Variants in IPMK observed in about 807,000 individuals in gnomAD.
IPMK encodes the protein inositol polyphosphate multikinase.
IPMK carries 17 observed loss-of-function variants against 45.8 expected under a neutral mutation model. The observed-to-expected ratio is 0.37, with a 90% confidence interval of 0.25 to 0.56. The LOEUF is 0.56. Ranked by LOEUF, IPMK falls within the 20% of genes least tolerant of loss-of-function variation. The pLI, the probability that IPMK is intolerant of heterozygous loss-of-function variation, is 0.79. For synonymous variants in IPMK, 180 were observed against 184.3 expected (o/e 0.98, Z 0.19); for missense variants, 399 against 498.0 (o/e 0.80, Z 1.89).
intron 2 of IPMK, among the ~76,000 whole-genome samples, chr10:58,231,121 T>A (rs975333383): frequency 5.3e-5 from 8 of 151,706 alleles, no homozygotes; most frequent in African/African-American, 1.9e-4. Flanking sequence ...GACGACAAGG[T>A]TAGAGAAAAA....
At chr10:58,203,188 A>T (rs1838021625) in intron 4 of IPMK, among the ~76,000 whole-genome samples, 1 of 152,184 alleles carries the variant, frequency 6.6e-6, no homozygotes, top group African/African-American at 2.4e-5. Flanking sequence ...ACTTCAGTGG[A>T]GGAGGTAACT....
chr10:58,240,852 G>A (rs966524960), intron 1 of IPMK, among the ~76,000 whole-genome samples: 2 of 152,090 alleles, frequency 1.3e-5, no homozygotes, highest in African/African-American at 2.4e-5. Context: ...CTTCCAGGCC[G>A]TCAAGAAAAA....
intron 2 of IPMK, among the ~76,000 whole-genome samples, chr10:58,234,242 A>G (rs1329732608): frequency 6.6e-6 from 1 of 152,230 alleles, no homozygotes; most frequent in Non-Finnish European, 1.5e-5. Context: ...ATACTGCCCA[A>G]AGTAATTTAC....
chr10:58,236,951 T>C lies in IPMK; in HGVS notation c.276+778A>G, dbSNP rs193285206. On this transcript the variant is annotated intron_variant, in intron 2 of 5. Transcript: ENST00000373935. ...CGGGCTGCGTGGCACACGCCTGTAGTTTCAGCCACTTAGGAGGCACAGGCT... is the reference window on the plus strand; with the variant it reads ...CGGGCTGCGTGGCACACGCCTGTAGCTTCAGCCACTTAGGAGGCACAGGCT... Among the ~76,000 whole-genome samples, 46 of 152,224 alleles carry C rather than the reference T, an allele frequency of 3.0e-4. No individual in the cohort carries two copies. In the East Asian group the frequency reaches 8.7e-3, roughly 29 times the overall value.
At position 58,224,555 on chromosome 10, in the gene IPMK, T is replaced by C. The variant is rs569659082; in HGVS notation, c.373+2488A>G. ...CTTTAAATGGATCAGTTTTATGGTA[T>C]GTAAATTATATCTCAATAAAACTAT... On this transcript the variant is annotated intron_variant, in intron 3 of 5. Coordinates refer to ENST00000373935, the MANE Select transcript of IPMK (RefSeq NM_152230.5). Among the ~76,000 whole-genome samples the C allele has an allele frequency of 8.5e-5, 13 of 152,330 alleles. No homozygotes were observed. The South Asian group carries it at 1.0e-3, about 12-fold the overall frequency.
chr10:58,199,344 T>C, intron 4 of IPMK, 23 bp from the exon 5 acceptor site: 2 of 1,543,886 alleles, frequency 1.3e-6, no homozygotes, highest in South Asian at 2.3e-5. Flanking sequence ...GCAGTGAATA[T>C]TAAAAAGCTA....
intron 5 of IPMK, among the ~76,000 whole-genome samples, chr10:58,198,542 C>T (rs1442832078): frequency 1.3e-5 from 2 of 152,176 alleles, no homozygotes; most frequent in East Asian, 3.8e-4. Flanking sequence ...AATTGTTAAG[C>T]TCATGCTATG....
At chr10:58,250,938 G>GTC (rs776904780) in intron 1 of IPMK, among the ~76,000 whole-genome samples, 7 of 152,140 alleles carry the variant, frequency 4.6e-5, no homozygotes, top group Non-Finnish European at 8.8e-5. Context: ...TAATTATACA[G>GTC]TCTCTGTTCT....
chr10:58,197,022 T>C lies in IPMK; in HGVS notation c.629-324A>G, dbSNP rs1005711291. On this transcript the variant is annotated intron_variant, in intron 5 of 5. Coordinates refer to ENST00000373935, the MANE Select transcript of IPMK (RefSeq NM_152230.5). ...TCTCTTAAGAAACAGGATTCCAGGCTGGGCACGGTGGCTCACGCCTGTAAT... is the reference window on the plus strand; with the variant it reads ...TCTCTTAAGAAACAGGATTCCAGGCCGGGCACGGTGGCTCACGCCTGTAAT... Among the ~76,000 whole-genome samples the C allele has an allele frequency of 9.2e-5, 14 of 152,178 alleles. No individual in the cohort carries two copies. The East Asian group carries it at 1.6e-3, about 17-fold the overall frequency.
intron 5 of IPMK, among the ~76,000 whole-genome samples, chr10:58,198,530 C>T (rs1245226811): frequency 6.6e-6 from 1 of 152,148 alleles, no homozygotes; most frequent in Admixed American, 6.5e-5. Context: ...AAAGCAAACA[C>T]TAATTGTTAA....
intron 1 of IPMK, among the ~76,000 whole-genome samples, chr10:58,257,222 C>A (rs867094922): frequency 6.6e-6 from 1 of 152,100 alleles, no homozygotes; most frequent in Non-Finnish European, 1.5e-5. Context: ...CAGCCAGGCC[C>A]GGTGGCTCAC....
chr10:58,241,169 T>TGAAGGCA (rs1838691793), intron 1 of IPMK, among the ~76,000 whole-genome samples: 3 of 152,174 alleles, frequency 2.0e-5, no homozygotes, highest in Admixed American at 2.0e-4. Flanking sequence ...AACGACTTGC[T>TGAAGGCA]GAAGGCAGAA....
Position 58,196,371 on chromosome 10 carries a change from G to A in IPMK, c.956C>T (p.Ala319Val), listed in dbSNP as rs375383787. ...SVGKSLSKMY[A>V]RHRKIYTKKH... ...TTTTGTATATATTTTCCTGTGACGCGCATACATCTTGGACAAGCTTTTGCC... is the reference window on the plus strand; with the variant it reads ...TTTTGTATATATTTTCCTGTGACGCACATACATCTTGGACAAGCTTTTGCC... The change falls in exon 6 of 6, where the codon GCG becomes GTG. Residue 319 changes from alanine to valine, a missense_variant. Physicochemically the swap from Ala to Val is moderately conservative, Grantham distance 64 (BLOSUM62 0). Around this residue, in one of 2 missense-constraint regions of IPMK, gnomAD observed 288 missense variants for 398.0 expected, o/e 0.72. Transcript: ENST00000373935. The A allele has an allele frequency of 5.0e-5, 80 of 1,613,818 alleles. No homozygotes were observed. The highest frequency in any genetic ancestry group is 6.7e-5 in the African/African-American group (5 of 74,888).
chr10:58,224,161 T>C (rs1015659157), intron 3 of IPMK, among the ~76,000 whole-genome samples: 2 of 152,160 alleles, frequency 1.3e-5, no homozygotes, highest in Non-Finnish European at 2.9e-5. Flanking sequence ...GCAACAGACA[T>C]GTATGTCAGC....
In IPMK at chr10:58,211,901, C is replaced by CAAAAAAAAAAAAAAAAAAA. The variant is rs753050298; in HGVS notation, c.546+4225_546+4243dup. Among the ~76,000 whole-genome samples, 23 of 50,370 alleles carry CAAAAAAAAAAAAAAAAAAA rather than the reference C, an allele frequency of 4.6e-4. 1 individual carries two copies. Among genetic ancestry groups the CAAAAAAAAAAAAAAAAAAA allele is most frequent in the African/African-American group, 1.4e-3 (15 of 11,036 alleles). 33.0% of individuals were successfully genotyped at this position (50,370 alleles called of 152,430 possible). A position where few individuals can be genotyped will look rare whatever the true frequency, so the allele number is the denominator to read the frequency against. On this transcript the variant is annotated intron_variant, in intron 4 of 5. Coordinates refer to ENST00000373935, the MANE Select transcript of IPMK (RefSeq NM_152230.5). The stretch of plus-strand genomic sequence containing the variant: ...CACTCCAGCCTGGGTGACATCTCAC[C>CAAAAAAAAAAAAAAAAAAA]AAAAAAAAAAAAAAAAAAAAAAAAT...
intron 2 of IPMK, among the ~76,000 whole-genome samples, chr10:58,227,677 T>A (rs539709698): frequency 1.3e-5 from 2 of 152,168 alleles, no homozygotes; most frequent in South Asian, 2.1e-4. Flanking sequence ...TTTATCTTTT[T>A]TAAAAAAAAT....
Position 58,193,724 on chromosome 10 carries a change from C to T in IPMK, c.*2352G>A, listed in dbSNP as rs376202260. ...AGAATCCTATTAACCCAAACTATAT[C>T]CGCATTATGCTTATTTCTTAAGCAT... On this transcript the variant is annotated 3_prime_UTR_variant, in exon 6 of 6. Transcript: ENST00000373935. The T allele has an allele frequency of 1.3e-5, 2 of 151,634 alleles. No homozygotes were observed. The highest frequency in any genetic ancestry group is 4.8e-5 in the African/African-American group (2 of 41,364). 9.4% of individuals were successfully genotyped at this position (151,634 alleles called of 1,614,324 possible).
At chr10:58,197,344 C>T (rs12244306) in intron 5 of IPMK, among the ~76,000 whole-genome samples, 49,391 of 147,706 alleles carry the variant, frequency 0.33, 10,424 homozygotes, top group African/African-American at 0.6. Context: ...AATACATAAA[C>T]ACATAAATAA....
At chr10:58,212,559 C>G (rs1838181138) in intron 4 of IPMK, 1 of 219,646 alleles carries the variant, frequency 4.6e-6, no homozygotes, top group South Asian at 9.3e-5. Flanking sequence ...TCTGAACCAC[C>G]CTTAAAGAAA....
Sources: allele counts gnomAD v4.1 joint callset (sites outside exome capture counted in the v4.1 genomes callset), GRCh38; gene constraint gnomAD v4.1.1; regional missense constraint gnomAD v4.1.1; transcripts MANE v1.5; gene names NCBI Gene and HGNC (gene_info 2026-07-23, HGNC 2026-07-21).